NRXN3: variants seen among roughly 807,000 people sequenced by gnomAD.
The protein encoded by NRXN3 is neurexin III.
A neutral mutation model predicts 137.6 loss-of-function variants in NRXN3; 32 were observed. That is an observed-to-expected ratio of 0.23 (90% confidence interval 0.18 to 0.31). NRXN3 has a LOEUF of 0.31. Ranked by LOEUF, NRXN3 falls within the 10% of genes least tolerant of loss-of-function variation. The pLI, the probability that NRXN3 is intolerant of heterozygous loss-of-function variation, is 1.00. For synonymous variants in NRXN3, 798 were observed against 784.5 expected (o/e 1.02, Z -0.29); for missense variants, 1,574 against 2,062.5 (o/e 0.76, Z 4.59).
Position 79,652,123 on chromosome 14 carries a change from G to C in NRXN3, c.3445-11655G>C, listed in dbSNP as rs2098479244. The stretch of plus-strand genomic sequence containing the variant: ...TTACTTTGCCTAAAAGAAAATAAGA[G>C]GGTCAAAGGGACTAACTTTTGTGTA... On this transcript the variant is annotated intron_variant, in intron 16 of 20. Coordinates refer to ENST00000335750, the MANE Select transcript of NRXN3 (RefSeq NM_001330195.2). 3.3e-5 allele frequency among the ~76,000 whole-genome samples: 5 copies of C among 152,240 alleles called. No homozygotes were observed. In the South Asian group the frequency reaches 1.0e-3, roughly 32 times the overall value.
At chr14:78,215,769 G>T (rs1279931691) in intron 1 of NRXN3, among the ~76,000 whole-genome samples, 29 of 88,944 alleles carry the variant, frequency 3.3e-4, no homozygotes, top group African/African-American at 9.5e-4. Flanking sequence ...GCTGCAGGGG[G>T]GTGGGGGGGG....
intron 4 of NRXN3, among the ~76,000 whole-genome samples, chr14:78,478,220 G>T (rs2153735701): frequency 6.6e-6 from 1 of 152,132 alleles, no homozygotes; most frequent in African/African-American, 2.4e-5. Context: ...GGGGAAAATG[G>T]CTTTATATTA....
chr14:79,661,971 G>A (rs1207080912), intron 16 of NRXN3, among the ~76,000 whole-genome samples: 1 of 152,218 alleles, frequency 6.6e-6, no homozygotes, highest in East Asian at 1.9e-4. Context: ...TGGCTCATGT[G>A]AGCAGTTACC....
intron 15 of NRXN3, among the ~76,000 whole-genome samples, chr14:79,110,939 C>T (rs4899729): frequency 0.96 from 146,375 of 152,058 alleles, 70,581 homozygotes; most frequent in Middle Eastern, 0.99. Flanking sequence ...TACAGGCACC[C>T]GCCACCACAC....
At chr14:78,285,080 C>T (rs1567167876) in intron 3 of NRXN3, among the ~76,000 whole-genome samples, 2 of 152,142 alleles carry the variant, frequency 1.3e-5, no homozygotes, top group South Asian at 2.1e-4. Context: ...GGGCAATAGG[C>T]TTCTTTTCTT....
At chr14:79,134,199 G>A (rs1263948443) in intron 15 of NRXN3, among the ~76,000 whole-genome samples, 1 of 152,146 alleles carries the variant, frequency 6.6e-6, no homozygotes, top group Non-Finnish European at 1.5e-5. Context: ...AATGGAATGG[G>A]AGGACAGCCA....
At chr14:79,564,756 T>C (rs986025349) in intron 16 of NRXN3, among the ~76,000 whole-genome samples, 1 of 152,174 alleles carries the variant, frequency 6.6e-6, no homozygotes, top group Non-Finnish European at 1.5e-5. Flanking sequence ...TTTTATAGAA[T>C]TTTAATGCTT....
intron 4 of NRXN3, among the ~76,000 whole-genome samples, chr14:78,502,555 A>G (rs2095899328): frequency 6.6e-6 from 1 of 152,166 alleles, no homozygotes; most frequent in Non-Finnish European, 1.5e-5. Context: ...TTTGAATAGC[A>G]ATAGCTGGAG....
At chr14:78,966,840 T>C (rs2152996038) in intron 12 of NRXN3, among the ~76,000 whole-genome samples, 1 of 152,342 alleles carries the variant, frequency 6.6e-6, no homozygotes, top group South Asian at 2.1e-4. Context: ...CAAGACATTT[T>C]ACTACCATGT....
At chr14:79,196,358 G>A (rs1172408603) in intron 15 of NRXN3, among the ~76,000 whole-genome samples, 2 of 152,146 alleles carry the variant, frequency 1.3e-5, no homozygotes, top group Non-Finnish European at 2.9e-5. Context: ...CATCTGACAT[G>A]GGCCTTTGTG....
intron 19 of NRXN3, among the ~76,000 whole-genome samples, chr14:79,772,326 C>G (rs2139823761): frequency 6.6e-6 from 1 of 152,174 alleles, no homozygotes; most frequent in South Asian, 2.1e-4. Flanking sequence ...CAAGTCAATC[C>G]TAAGCCAAAA....
chr14:79,295,235 T>G (rs1325515384), intron 15 of NRXN3, among the ~76,000 whole-genome samples: 2 of 152,106 alleles, frequency 1.3e-5, no homozygotes, highest in Non-Finnish European at 1.5e-5. Flanking sequence ...ATTTGATCAG[T>G]TCCTTTTCTC....
Position 79,760,601 on chromosome 14 carries a change from C to A in NRXN3, c.4015-44511C>A, listed in dbSNP as rs1465452498. 2.0e-5 allele frequency: 3 copies of A among 151,424 alleles called. No homozygotes were observed. The East Asian group carries it at 5.8e-4, about 29-fold the overall frequency. The allele number at this position is 151,424 out of a possible 1,614,324, so 9.4% of individuals were successfully genotyped here. Reference sequence around the variant, plus strand: ...ATTTTTCACAAACAGCAAGGGGAATCTTGAAACAAAATAGATTTGTTTTAA... The same window carrying A: ...ATTTTTCACAAACAGCAAGGGGAATATTGAAACAAAATAGATTTGTTTTAA... On this transcript the variant is annotated intron_variant, in intron 19 of 20. Coordinates refer to ENST00000335750, the MANE Select transcript of NRXN3 (RefSeq NM_001330195.2).
intron 4 of NRXN3, among the ~76,000 whole-genome samples, chr14:78,493,964 T>A (rs1255195556): frequency 6.6e-6 from 1 of 152,210 alleles, no homozygotes; most frequent in African/African-American, 2.4e-5. Flanking sequence ...CTTTCTTATA[T>A]GTGAGATGCC....
At chr14:79,121,479 C>T (rs1011080865) in intron 15 of NRXN3, among the ~76,000 whole-genome samples, 47 of 152,310 alleles carry the variant, frequency 3.1e-4, no homozygotes, top group African/African-American at 5.3e-4. Context: ...TACTGCCATG[C>T]GATTTCTTCT....
At chr14:78,386,814 TC>T (rs1266229777) in intron 4 of NRXN3, among the ~76,000 whole-genome samples, 1 of 151,990 alleles carries the variant, frequency 6.6e-6, no homozygotes, top group Non-Finnish European at 1.5e-5. Context: ...GGAGTCTCAC[TC>T]TATTGCCCAG....
intron 20 of NRXN3, among the ~76,000 whole-genome samples, chr14:79,827,574 G>GC (rs1053163574): frequency 7.2e-5 from 11 of 152,052 alleles, no homozygotes; most frequent in African/African-American, 2.7e-4. Context: ...TATATAAGAA[G>GC]CATGGTGCTA....
intron 16 of NRXN3, among the ~76,000 whole-genome samples, chr14:79,580,964 A>T (rs1039650993): frequency 6.6e-6 from 1 of 152,126 alleles, no homozygotes; most frequent in African/African-American, 2.4e-5. Flanking sequence ...CCAAGTCTGT[A>T]GAATATTGGT....
intron 4 of NRXN3, among the ~76,000 whole-genome samples, chr14:78,557,684 A>G (rs2096751762): frequency 6.6e-6 from 1 of 152,156 alleles, no homozygotes; most frequent in South Asian, 2.1e-4. Flanking sequence ...GTTTATGTAT[A>G]TTTCACCTGT....
Sources: gnomAD v4.1 joint callset for allele counts (sites outside exome capture counted in the v4.1 genomes callset) on GRCh38, gnomAD v4.1.1 for gene constraint, MANE v1.5 for transcripts, NCBI Gene and HGNC (gene_info 2026-07-23, HGNC 2026-07-21) for gene names.